The following PABPC4L variants were observed in gnomAD, a reference collection of about 807,000 sequenced individuals.
PABPC4L encodes the protein poly(A) binding protein cytoplasmic 4 like, also known as polyadenylate-binding protein 4-like.
For synonymous variants in PABPC4L, 169 were observed against 164.1 expected (o/e 1.03, Z -0.23); for missense variants, 452 against 451.4 (o/e 1.00, Z -0.01).
At chr4:133,960,902 C>A in the PABPC4L span, among the ~76,000 whole-genome samples, 1 of 152,116 alleles carries the variant, frequency 6.6e-6, no homozygotes, top group Admixed American at 6.5e-5. Context: ...ACAGCAGCCA[C>A]AGTAAGATCC....
the PABPC4L span, among the ~76,000 whole-genome samples, chr4:134,043,372 G>T: frequency 6.6e-6 from 1 of 152,244 alleles, no homozygotes; most frequent in African/African-American, 2.4e-5. Flanking sequence ...AACGATAGAT[G>T]CATCATTAGT....
the PABPC4L span, among the ~76,000 whole-genome samples, chr4:134,086,848 T>C: frequency 1.3e-5 from 2 of 151,752 alleles, no homozygotes; most frequent in African/African-American, 4.8e-5. Flanking sequence ...CATGTGCACA[T>C]TGTGCAGGTT....
the PABPC4L span, among the ~76,000 whole-genome samples, chr4:134,040,114 T>C: frequency 6.6e-6 from 1 of 150,600 alleles, no homozygotes; most frequent in African/African-American, 2.4e-5. Context: ...ATAGGAAGAA[T>C]CCATATCATG....
chr4:134,106,071 C>A, the PABPC4L span, among the ~76,000 whole-genome samples: 1 of 151,552 alleles, frequency 6.6e-6, no homozygotes, highest in African/African-American at 2.4e-5. Flanking sequence ...TAACTCATTG[C>A]CCCTGTTTTA....
chr4:134,124,068 C>T, the PABPC4L span, among the ~76,000 whole-genome samples: 1 of 152,022 alleles, frequency 6.6e-6, no homozygotes, highest in African/African-American at 2.4e-5. Flanking sequence ...AATCAGAAAT[C>T]AGGGGTAATT....
At chr4:134,186,388 CA>C in the PABPC4L span, among the ~76,000 whole-genome samples, 4 of 152,082 alleles carry the variant, frequency 2.6e-5, no homozygotes, top group Admixed American at 6.6e-5. Context: ...TAATACCACA[CA>C]CATCCACAAC....
the PABPC4L span, among the ~76,000 whole-genome samples, chr4:133,954,605 TC>T: frequency 6.6e-6 from 1 of 152,122 alleles, no homozygotes; most frequent in African/African-American, 2.4e-5. Flanking sequence ...TCTCTTTAGT[TC>T]CCTCTTTCCT....
chr4:134,017,707 C>G, the PABPC4L span, among the ~76,000 whole-genome samples: 2 of 152,104 alleles, frequency 1.3e-5, no homozygotes, highest in Non-Finnish European at 2.9e-5. Flanking sequence ...TTTTCCAATT[C>G]ATACAAAACC....
the PABPC4L span, among the ~76,000 whole-genome samples, chr4:134,078,236 C>T: frequency 6.6e-6 from 1 of 152,076 alleles, no homozygotes; most frequent in Non-Finnish European, 1.5e-5. Context: ...TTCTACTTTC[C>T]TAATCAAGGC....
chr4:134,108,746 A>T, the PABPC4L span, among the ~76,000 whole-genome samples: 15 of 151,802 alleles, frequency 9.9e-5, no homozygotes, highest in Admixed American at 6.6e-5. Flanking sequence ...TATAACCTAG[A>T]CCCTGATTTT....
At chr4:134,132,566 T>A in the PABPC4L span, among the ~76,000 whole-genome samples, 1 of 151,728 alleles carries the variant, frequency 6.6e-6, no homozygotes, top group South Asian at 2.1e-4. Flanking sequence ...AAAAAATCGA[T>A]GTTGGACTAG....
At chr4:134,040,299 A>G in the PABPC4L span, among the ~76,000 whole-genome samples, 1 of 152,094 alleles carries the variant, frequency 6.6e-6, no homozygotes, top group Non-Finnish European at 1.5e-5. Flanking sequence ...ACAAAGCTGG[A>G]GGCTTCACAC....
the PABPC4L span, among the ~76,000 whole-genome samples, chr4:134,177,365 G>A: frequency 6.6e-6 from 1 of 151,748 alleles, no homozygotes; most frequent in South Asian, 2.1e-4. Flanking sequence ...TAGTAGAGAC[G>A]GGGTTTCACC....
At chr4:134,132,155 G>A in the PABPC4L span, among the ~76,000 whole-genome samples, 14 of 152,048 alleles carry the variant, frequency 9.2e-5, no homozygotes, top group Middle Eastern at 3.4e-3. Context: ...ATTGGCATAG[G>A]CAATGACTTT....
the PABPC4L span, among the ~76,000 whole-genome samples, chr4:134,109,886 C>T: frequency 7.3e-4 from 111 of 151,894 alleles, 1 homozygote; most frequent in African/African-American, 2.6e-3. Context: ...GGACTGCAGG[C>T]GTGTGCCACC....
At position 134,198,535 on chromosome 4, in the gene PABPC4L, G is replaced by A. The variant is rs1249835849; in HGVS notation, c.*1372C>T. ...AATAGAGAATGTGAATAATAGTTAT[G>A]AGAAAAAACTAAGCCAAGTAAAAAT... On this transcript the variant is annotated 3_prime_UTR_variant, in exon 2 of 2. Coordinates refer to ENST00000421491, the MANE Select transcript of PABPC4L (RefSeq NM_001114734.2). 2 of 110,510 alleles carry A rather than the reference G, an allele frequency of 1.8e-5. No individual in the cohort carries two copies. The highest frequency in any genetic ancestry group is 4.5e-5 in the African/African-American group (1 of 22,464). The allele number at this position is 110,510 out of a possible 1,614,324, so 6.8% of individuals were successfully genotyped here.
At chr4:134,052,683 T>C in the PABPC4L span, among the ~76,000 whole-genome samples, 4 of 151,984 alleles carry the variant, frequency 2.6e-5, no homozygotes, top group Non-Finnish European at 5.9e-5. Flanking sequence ...GTCCATATAA[T>C]TGTCATCTCC....
chr4:133,961,891 G>T, the PABPC4L span, among the ~76,000 whole-genome samples: 1 of 152,092 alleles, frequency 6.6e-6, no homozygotes, highest in South Asian at 2.1e-4. Flanking sequence ...TGTCCTAATT[G>T]TGCTGAATAG....
chr4:134,123,081 G>C, the PABPC4L span, among the ~76,000 whole-genome samples: 1 of 151,942 alleles, frequency 6.6e-6, no homozygotes, highest in Non-Finnish European at 1.5e-5. Flanking sequence ...GTACCTGTGA[G>C]CCTCTAGTCA....
Sources: allele counts gnomAD v4.1 joint callset (sites outside exome capture counted in the v4.1 genomes callset), GRCh38; gene constraint gnomAD v4.1.1; transcripts MANE v1.5; gene names NCBI Gene and HGNC (gene_info 2026-07-23, HGNC 2026-07-21).